The following KCND2 variants were observed in gnomAD, a reference collection of about 807,000 sequenced individuals.
The protein encoded by KCND2 is A-type voltage-gated potassium channel KCND2.
A neutral mutation model predicts 54.4 loss-of-function variants in KCND2; 16 were observed. The ratio of observed to expected loss-of-function variants is 0.29; its 90% CI spans 0.20 to 0.45. The LOEUF is 0.45. KCND2 is among the 20% of genes least tolerant of loss of function. The probability of loss-of-function intolerance (pLI) is 1.00; values close to 1 mark genes in which losing one functional copy is unlikely to be tolerated. For missense variants in KCND2, 486 were observed against 824.2 expected (o/e 0.59, Z 5.02); for synonymous variants, 317 against 310.7 (o/e 1.02, Z -0.21).
chr7:120,424,262 G>A (rs1476862), intron 1 of KCND2, among the ~76,000 whole-genome samples: 37,829 of 151,980 alleles, frequency 0.25, 6,464 homozygotes, highest in East Asian at 0.57. Context: ...TCCTGGGCAC[G>A]CTAATAATGT....
intron 1 of KCND2, among the ~76,000 whole-genome samples, chr7:120,611,407 G>A (rs974650442): frequency 7.2e-5 from 11 of 152,306 alleles, no homozygotes; most frequent in African/African-American, 2.6e-4. Flanking sequence ...ATCCAGCCAT[G>A]GGAGATATGT....
chr7:120,290,192 G>A (rs2116274305), intron 1 of KCND2, among the ~76,000 whole-genome samples: 1 of 151,986 alleles, frequency 6.6e-6, no homozygotes, highest in East Asian at 1.9e-4. Flanking sequence ...TTACTGTAGA[G>A]TTTAAAGGTC....
intron 1 of KCND2, among the ~76,000 whole-genome samples, chr7:120,540,659 G>A (rs1791968176): frequency 6.6e-6 from 1 of 152,104 alleles, no homozygotes; most frequent in South Asian, 2.1e-4. Context: ...AAGAGAAGTG[G>A]TACCCAAGGA....
intron 2 of KCND2, chr7:120,740,727 T>C (rs911293454): frequency 1.3e-5 from 5 of 389,898 alleles, no homozygotes; most frequent in Middle Eastern, 7.1e-4. Flanking sequence ...GGATATTCTC[T>C]ACAGACACAC....
chr7:120,396,491 T>A (rs762079447), intron 1 of KCND2, among the ~76,000 whole-genome samples: 26 of 152,072 alleles, frequency 1.7e-4, no homozygotes, highest in Non-Finnish European at 3.2e-4. Flanking sequence ...ACTTTATTCT[T>A]TGGTTTCTTT....
chr7:120,324,864 G>A (rs1393527477), intron 1 of KCND2, among the ~76,000 whole-genome samples: 2 of 146,048 alleles, frequency 1.4e-5, no homozygotes, highest in Non-Finnish European at 3.0e-5. Flanking sequence ...GATGGGGATG[G>A]CATTGAATCT....
At chr7:120,657,856 A>G (rs1554382135) in intron 1 of KCND2, among the ~76,000 whole-genome samples, 2 of 152,078 alleles carry the variant, frequency 1.3e-5, no homozygotes, top group African/African-American at 2.4e-5. Context: ...TCAAAAAAAA[A>G]AGAGAGAGAG....
chr7:120,737,445 TCCTCTTGTAGA>T (rs1792889776), intron 2 of KCND2, among the ~76,000 whole-genome samples: 3 of 152,102 alleles, frequency 2.0e-5, no homozygotes, highest in African/African-American at 7.2e-5. Context: ...CACCATGGAA[TCCTCTTGTAGA>T]CCTCTCATTG....
At chr7:120,589,573 G>C (rs1208904303) in intron 1 of KCND2, among the ~76,000 whole-genome samples, 2 of 152,134 alleles carry the variant, frequency 1.3e-5, no homozygotes, top group Admixed American at 6.6e-5. Flanking sequence ...GCAGCTGGCA[G>C]TAAAATAATT....
chr7:120,721,980 C>T (rs1792672087), intron 1 of KCND2, among the ~76,000 whole-genome samples: 1 of 152,176 alleles, frequency 6.6e-6, no homozygotes, highest in African/African-American at 2.4e-5. Context: ...GGCCGTCACT[C>T]TCCCTTTGCC....
chr7:120,673,676 T>C (rs1792021431), intron 1 of KCND2, among the ~76,000 whole-genome samples: 1 of 152,156 alleles, frequency 6.6e-6, no homozygotes, highest in African/African-American at 2.4e-5. Flanking sequence ...AATCTCATTA[T>C]GTCCTTCCTT....
chr7:120,303,279 C>T (rs1338583683), intron 1 of KCND2, among the ~76,000 whole-genome samples: 1 of 152,122 alleles, frequency 6.6e-6, no homozygotes, highest in Non-Finnish European at 1.5e-5. Flanking sequence ...AGATACACAA[C>T]CAAAGTTACC....
intron 1 of KCND2, among the ~76,000 whole-genome samples, chr7:120,543,300 A>G (rs182731623): frequency 4.0e-5 from 6 of 150,218 alleles, no homozygotes; most frequent in Non-Finnish European, 4.4e-5. Context: ...GGGTTTCCTC[A>G]TTTTTCCCCA....
chr7:120,697,021 A>G (rs1792340798), intron 1 of KCND2, among the ~76,000 whole-genome samples: 1 of 152,214 alleles, frequency 6.6e-6, no homozygotes, highest in South Asian at 2.1e-4. Context: ...TTAACTTGAG[A>G]ACATTCAATT....
chr7:120,373,340 A>G (rs1467954533), intron 1 of KCND2, among the ~76,000 whole-genome samples: 1 of 151,760 alleles, frequency 6.6e-6, no homozygotes, highest in Non-Finnish European at 1.5e-5. Flanking sequence ...GCTATTTCTT[A>G]CTGGTATAAA....
intron 1 of KCND2, among the ~76,000 whole-genome samples, chr7:120,375,773 A>T (rs1281656320): frequency 6.6e-6 from 1 of 151,808 alleles, no homozygotes; most frequent in East Asian, 1.9e-4. Context: ...TGTAATGATT[A>T]TGATATTACT....
chr7:120,386,582 G>A (rs975538924), intron 1 of KCND2, among the ~76,000 whole-genome samples: 1 of 152,118 alleles, frequency 6.6e-6, no homozygotes, highest in Admixed American at 6.6e-5. Context: ...TTAGAATTAT[G>A]ACATCCCTTT....
intron 1 of KCND2, among the ~76,000 whole-genome samples, chr7:120,687,019 T>C (rs1432917457): frequency 2.0e-5 from 3 of 152,168 alleles, no homozygotes; most frequent in African/African-American, 7.2e-5. Flanking sequence ...ATTTCTAGTA[T>C]GTGTGTGTTT....
intron 1 of KCND2, among the ~76,000 whole-genome samples, chr7:120,403,627 G>A (rs1047530579): frequency 4.0e-5 from 6 of 151,424 alleles, no homozygotes; most frequent in Non-Finnish European, 8.8e-5. Context: ...ACCATGCCAG[G>A]TGATTTTTTT....
Sources: gnomAD v4.1 joint callset for allele counts (sites outside exome capture counted in the v4.1 genomes callset) on GRCh38, gnomAD v4.1.1 for gene constraint, MANE v1.5 for transcripts, NCBI Gene and HGNC (gene_info 2026-07-23, HGNC 2026-07-21) for gene names.